Variants in ACACA observed in about 807,000 individuals in gnomAD.
ACACA encodes acetyl-CoA carboxylase 1.
ACACA carries 103 observed loss-of-function variants against 296.1 expected under a neutral mutation model. That is an observed-to-expected ratio of 0.35 (90% CI 0.30 to 0.41). ACACA has a LOEUF of 0.41. Among genes scored for constraint, ACACA ranks in the 10% least tolerant of loss-of-function variants. The pLI is 1.00. For missense variants in ACACA, 1,554 were observed against 2,989.7 expected, an observed-to-expected ratio of 0.52 and a Z score of 11.20; for synonymous variants, 953 against 1,038.6, an observed-to-expected ratio of 0.92 and a Z score of 1.58.
In ACACA at chr17:37,125,715, C is replaced by G. The variant is rs771495558; in HGVS notation, c.6024G>C (p.Val2008=). Residue 2008 remains valine, a synonymous_variant, in exon 48 of 56, where the codon GTG becomes GTC. Transcript: ENST00000616317. ...GCTCTTACCTGGCTCTACCAACCAC[C>G]ACAGTCTGTGCCCAGGGCTGCATAA... ...SEIMQPWAQT[V]VVGRARLGGI... is the part of the protein sequence containing the mutation. 5 of 1,613,868 alleles carry G rather than the reference C, an allele frequency of 3.1e-6. No individual in the cohort carries two copies. In the East Asian group the frequency reaches 8.9e-5, roughly 29 times the overall value.
chr17:37,151,216 G>A, intron 44 of ACACA, 85 bp downstream of exon 44: 2 of 1,473,460 alleles, frequency 1.4e-6, no homozygotes, highest in Non-Finnish European at 1.9e-6. Context: ...CTCTCATTTG[G>A]GACTGAATAG....
At chr17:37,215,217 G>A (rs1209316075) in intron 29 of ACACA, among the ~76,000 whole-genome samples, 2 of 152,208 alleles carry the variant, frequency 1.3e-5, no homozygotes, top group Admixed American at 1.3e-4. Flanking sequence ...GCAAACAGCA[G>A]AGAAGGTACA....
At chr17:37,239,330 T>A (rs2080275718) in intron 24 of ACACA, among the ~76,000 whole-genome samples, 1 of 152,222 alleles carries the variant, frequency 6.6e-6, no homozygotes, top group Non-Finnish European at 1.5e-5. Flanking sequence ...TATATTGCTT[T>A]ATTACTTTCT....
chr17:37,364,034 A>C (rs1231866569), intron 1 of ACACA, among the ~76,000 whole-genome samples: 1 of 152,082 alleles, frequency 6.6e-6, no homozygotes, highest in Non-Finnish European at 1.5e-5. Context: ...GAGGCAGGAG[A>C]ATTGTTTGAA....
chr17:37,311,542 TAATAA>T (rs2084145601), intron 3 of ACACA, among the ~76,000 whole-genome samples: 1 of 152,138 alleles, frequency 6.6e-6, no homozygotes, highest in Non-Finnish European at 1.5e-5. Flanking sequence ...TCTATTTTCT[TAATAA>T]AATAATGTGG....
chr17:37,214,176 A>G (rs2078882618), intron 29 of ACACA, among the ~76,000 whole-genome samples: 1 of 152,194 alleles, frequency 6.6e-6, no homozygotes, highest in Non-Finnish European at 1.5e-5. Context: ...TAGGAGAAAG[A>G]GCAATTTGAC....
At chr17:37,329,682 C>T (rs2047780518) in intron 3 of ACACA, among the ~76,000 whole-genome samples, 1 of 150,292 alleles carries the variant, frequency 6.7e-6, no homozygotes, top group Admixed American at 6.7e-5. Context: ...TAGCTCACAC[C>T]TCTAATCCCA....
chr17:37,125,670 A>C lies in ACACA; in HGVS notation c.6041+28T>G, dbSNP rs754823882. 6 of 1,565,798 alleles carry C rather than the reference A, an allele frequency of 3.8e-6. No individual in the cohort carries two copies. The Admixed American group carries it at 8.4e-5, about 22-fold the overall frequency. Reference sequence around the variant, plus strand: ...TTCTTATTTTTAGTTGGGAGGAAAAAGAGCTGCCAAAACAAAAGAGCTCTT... The same window carrying C: ...TTCTTATTTTTAGTTGGGAGGAAAACGAGCTGCCAAAACAAAAGAGCTCTT... On this transcript the variant is annotated intron_variant, in intron 48 of 55. Coordinates refer to ENST00000616317, the MANE Select transcript of ACACA (RefSeq NM_198834.3).
chr17:37,117,150 C>T (rs1213340368), intron 50 of ACACA, among the ~76,000 whole-genome samples: 1 of 152,194 alleles, frequency 6.6e-6, no homozygotes, highest in Non-Finnish European at 1.5e-5. Context: ...AACAGGGTGG[C>T]AGAGTGTTTC....
intron 38 of ACACA, among the ~76,000 whole-genome samples, chr17:37,190,290 G>A (rs1490514258): frequency 6.6e-6 from 1 of 152,014 alleles, no homozygotes; most frequent in Non-Finnish European, 1.5e-5. Context: ...TTAGCCGGGC[G>A]TGGTGGCACA....
At chr17:37,341,745 C>G (rs2048380174) in intron 1 of ACACA, among the ~76,000 whole-genome samples, 1 of 151,780 alleles carries the variant, frequency 6.6e-6, no homozygotes, top group South Asian at 2.1e-4. Context: ...CTCACCCCCT[C>G]CACTTTATAA....
chr17:37,403,368 C>CTTTT (rs36037660), intron 1 of ACACA, among the ~76,000 whole-genome samples: 2 of 112,172 alleles, frequency 1.8e-5, no homozygotes, highest in South Asian at 2.7e-4. Context: ...TTTGCCACAT[C>CTTTT]TTTTTTTTTT....
intron 9 of ACACA, among the ~76,000 whole-genome samples, chr17:37,271,406 T>A (rs1287233988): frequency 6.6e-6 from 1 of 151,974 alleles, no homozygotes; most frequent in Non-Finnish European, 1.5e-5. Flanking sequence ...TCCCAGCTAC[T>A]TGGGAGGCTG....
intron 43 of ACACA, among the ~76,000 whole-genome samples, chr17:37,152,102 T>G (rs564151043): frequency 1.3e-5 from 2 of 152,168 alleles, no homozygotes; most frequent in Non-Finnish European, 2.9e-5. Context: ...GCCAAGCAGA[T>G]AGATTTAAAT....
At chr17:37,240,302 C>G (rs537973708) in intron 24 of ACACA, among the ~76,000 whole-genome samples, 174 bp downstream of exon 24, 1 of 152,292 alleles carries the variant, frequency 6.6e-6, no homozygotes, top group African/African-American at 2.4e-5. Flanking sequence ...TTCTTTAGAG[C>G]TAGTGGATAT....
chr17:37,383,917 C>T (rs7215774), intron 1 of ACACA, among the ~76,000 whole-genome samples: 103,997 of 152,092 alleles, frequency 0.68, 36,753 homozygotes, highest in East Asian at 0.97. Flanking sequence ...AACTTCCTAT[C>T]CTGAATTTAA....
chr17:37,362,127 G>A (rs892000831), intron 1 of ACACA, among the ~76,000 whole-genome samples: 17 of 152,256 alleles, frequency 1.1e-4, no homozygotes, highest in African/African-American at 4.1e-4. Context: ...TACAAACCAA[G>A]GAGAAAATAT....
At chr17:37,288,321 A>G (rs1295544497) in intron 3 of ACACA, among the ~76,000 whole-genome samples, 1 of 152,164 alleles carries the variant, frequency 6.6e-6, no homozygotes, top group Non-Finnish European at 1.5e-5. Context: ...CCCCAAGTCC[A>G]TGGATCATTA....
intron 3 of ACACA, among the ~76,000 whole-genome samples, chr17:37,307,531 G>A (rs2083937692): frequency 6.6e-6 from 1 of 152,024 alleles, no homozygotes; most frequent in Admixed American, 6.6e-5. Flanking sequence ...CTTTTGAAGT[G>A]CCTGTTGAAG....
Sources: allele counts gnomAD v4.1 joint callset (sites outside exome capture counted in the v4.1 genomes callset), GRCh38; gene constraint gnomAD v4.1.1; transcripts MANE v1.5; gene names NCBI Gene and HGNC (gene_info 2026-07-23, HGNC 2026-07-21).